The following SMIM36 variants were observed in gnomAD, a reference collection of about 807,000 sequenced individuals.
SMIM36 encodes the protein small integral membrane protein 36.
rs1312901571 is a variant in SMIM36 at position 55,503,033 on chromosome 17, A to G, written c.*174+7846T>C. On this transcript the variant is annotated intron_variant, in intron 1 of 4. Transcript: ENST00000636752. ...AAGGGAAGTTTAGAGAAAAAAGAAT[A>G]AAAAGAAATGAGCAAAGCCTCCAAG... Among the ~76,000 whole-genome samples, 13 of 148,548 alleles carry G rather than the reference A, an allele frequency of 8.8e-5. No individual in the cohort carries two copies. The Admixed American group carries it at 8.8e-4, about 10-fold the overall frequency.
At chr17:55,457,953 G>T (rs913432591) in intron 4 of SMIM36, among the ~76,000 whole-genome samples, 2 of 152,184 alleles carry the variant, frequency 1.3e-5, no homozygotes, top group Non-Finnish European at 2.9e-5. Context: ...GAGATTAGTG[G>T]AGGTACAGAA....
the SMIM36 span, among the ~76,000 whole-genome samples, chr17:55,520,015 A>T: frequency 6.6e-6 from 1 of 152,196 alleles, no homozygotes; most frequent in African/African-American, 2.4e-5. Context: ...GGCCAAAAAC[A>T]AGGTGTTGGT....
chr17:55,502,073 A>G (rs1472491734), intron 1 of SMIM36, among the ~76,000 whole-genome samples: 3 of 151,746 alleles, frequency 2.0e-5, no homozygotes, highest in African/African-American at 7.3e-5. Context: ...TGAGGGTCCT[A>G]CGCCCACGGA....
intron 4 of SMIM36, among the ~76,000 whole-genome samples, chr17:55,464,699 T>G (rs184240669): frequency 6.3e-4 from 96 of 152,300 alleles, no homozygotes; most frequent in Non-Finnish European, 1.1e-3. Context: ...AGTCACAAAG[T>G]AACAATTATC....
chr17:55,482,307 C>T (rs1015107306), intron 1 of SMIM36, among the ~76,000 whole-genome samples: 1 of 152,154 alleles, frequency 6.6e-6, no homozygotes, highest in Admixed American at 6.6e-5. Context: ...AACATCCTCC[C>T]CACCTTTCAT....
the SMIM36 span, among the ~76,000 whole-genome samples, chr17:55,519,354 A>G: frequency 6.6e-6 from 1 of 152,050 alleles, no homozygotes; most frequent in Non-Finnish European, 1.5e-5. Context: ...ATATGAGGGC[A>G]TGTGGTGTGT....
chr17:55,524,535 C>T, the SMIM36 span, among the ~76,000 whole-genome samples: 2 of 152,108 alleles, frequency 1.3e-5, no homozygotes, highest in South Asian at 4.1e-4. Flanking sequence ...ACACTCCTAC[C>T]GACAGTGTAT....
chr17:55,491,057 C>A (rs141391578), intron 1 of SMIM36, among the ~76,000 whole-genome samples: 1 of 151,760 alleles, frequency 6.6e-6, no homozygotes, highest in Non-Finnish European at 1.5e-5. Flanking sequence ...GAGTTTAAGA[C>A]CAGCCTGGGC....
intron 3 of SMIM36, among the ~76,000 whole-genome samples, chr17:55,472,918 G>A (rs566358616): frequency 1.3e-5 from 2 of 150,990 alleles, no homozygotes; most frequent in Admixed American, 6.6e-5. Context: ...TCTGCCGACA[G>A]GATAGCAAAA....
At chr17:55,458,279 C>G (rs183931742) in intron 4 of SMIM36, 1 of 152,176 alleles carries the variant, frequency 6.6e-6, no homozygotes, top group Non-Finnish European at 1.5e-5. Context: ...CAATCTGCAG[C>G]GACAGCAGTT....
chr17:55,502,415 C>T (rs1489953792), intron 1 of SMIM36, among the ~76,000 whole-genome samples: 1 of 99,572 alleles, frequency 1.0e-5, no homozygotes, highest in Non-Finnish European at 1.9e-5. Context: ...GGTCCCTGAC[C>T]CCTGACCCCA....
intron 3 of SMIM36, among the ~76,000 whole-genome samples, chr17:55,471,937 T>A (rs1909346556): frequency 6.6e-6 from 1 of 152,164 alleles, no homozygotes; most frequent in South Asian, 2.1e-4. Context: ...CCTCTATAGT[T>A]CTCACAACCT....
At chr17:55,489,466 A>G (rs1909664671) in intron 1 of SMIM36, among the ~76,000 whole-genome samples, 1 of 152,260 alleles carries the variant, frequency 6.6e-6, no homozygotes, top group African/African-American at 2.4e-5. Flanking sequence ...AAACCGCATT[A>G]TCTGTGAAGC....
intron 4 of SMIM36, among the ~76,000 whole-genome samples, chr17:55,452,149 A>C (rs1008731945): frequency 1.3e-5 from 2 of 150,850 alleles, no homozygotes; most frequent in African/African-American, 4.9e-5. Context: ...TAAGCCTGGC[A>C]TATTTGACCC....
intron 1 of SMIM36, among the ~76,000 whole-genome samples, chr17:55,492,848 C>G (rs892442140): frequency 1.3e-5 from 2 of 152,118 alleles, no homozygotes; most frequent in South Asian, 4.1e-4. Flanking sequence ...TTATTTTTTA[C>G]ATTTGGGGAC....
the SMIM36 span, among the ~76,000 whole-genome samples, chr17:55,531,622 G>T: frequency 1.3e-5 from 2 of 152,192 alleles, no homozygotes; most frequent in Non-Finnish European, 2.9e-5. Flanking sequence ...CGTACCGAAA[G>T]AAATCAATGT....
At chr17:55,511,350 G>A in exon 1 of SMIM36, 1 of 398,488 alleles carries the variant, frequency 2.5e-6, no homozygotes. Flanking sequence ...CTCCCACGGT[G>A]GAGAAGTGGG....
chr17:55,490,036 T>C (rs75255855), intron 1 of SMIM36, among the ~76,000 whole-genome samples: 11,204 of 151,698 alleles, frequency 0.074, 482 homozygotes, highest in South Asian at 0.15. Flanking sequence ...TTTGTATTTT[T>C]TGTAGAGACA....
chr17:55,477,325 C>T (rs1909441777), intron 3 of SMIM36, among the ~76,000 whole-genome samples: 1 of 152,170 alleles, frequency 6.6e-6, no homozygotes, highest in South Asian at 2.1e-4. Context: ...AGAATCTTTC[C>T]TTGCCTTCTC....
Sources: gnomAD v4.1 joint callset for allele counts (sites outside exome capture counted in the v4.1 genomes callset) on GRCh38, gnomAD v4.1.1 for gene constraint, MANE v1.5 for transcripts, NCBI Gene and HGNC (gene_info 2026-07-23, HGNC 2026-07-21) for gene names.